The following CHN1 variants were observed in gnomAD, a reference collection of about 807,000 sequenced individuals.
The protein encoded by CHN1 is chimerin 1.
Under a neutral mutation model 59.5 loss-of-function variants are expected in CHN1, and 37 were observed. That is an observed-to-expected ratio of 0.62 (90% CI 0.48 to 0.82). The LOEUF (loss-of-function observed/expected upper bound fraction) is 0.82, where lower values mean the gene tolerates loss of function less well. Among genes scored for constraint, CHN1 ranks in the 40% least tolerant of loss-of-function variants. The pLI is 0.00. For missense variants in CHN1, 469 were observed against 571.0 expected, an observed-to-expected ratio of 0.82 and a Z score of 1.82; for synonymous variants, 206 against 200.4, an observed-to-expected ratio of 1.03 and a Z score of -0.24.
At chr2:174,858,607 A>G (rs560695787) in intron 6 of CHN1, among the ~76,000 whole-genome samples, 2 of 152,254 alleles carry the variant, frequency 1.3e-5, no homozygotes, top group Non-Finnish European at 2.9e-5. Context: ...GCTTTTGGGC[A>G]TTTTCTAAAA....
intron 5 of CHN1, among the ~76,000 whole-genome samples, chr2:174,909,491 G>T (rs1157363527): frequency 6.6e-6 from 1 of 152,140 alleles, no homozygotes; most frequent in Non-Finnish European, 1.5e-5. Flanking sequence ...CAACCTGAAG[G>T]AAAGGATGCA....
At chr2:174,928,546 T>C (rs377737154) in intron 3 of CHN1, among the ~76,000 whole-genome samples, 1 of 152,348 alleles carries the variant, frequency 6.6e-6, no homozygotes, top group East Asian at 1.9e-4. Flanking sequence ...ATTTATAGAT[T>C]AGAAATTTTG....
intron 1 of CHN1, among the ~76,000 whole-genome samples, chr2:174,972,039 TA>T: frequency 6.6e-6 from 1 of 152,268 alleles, no homozygotes; most frequent in Admixed American, 6.5e-5. Context: ...ATCACTAGGC[TA>T]AACAATGAAC....
intron 5 of CHN1, among the ~76,000 whole-genome samples, chr2:174,912,771 C>A (rs1317477608): frequency 1.3e-5 from 2 of 152,126 alleles, no homozygotes; most frequent in Non-Finnish European, 2.9e-5. Context: ...AAATGTCAAT[C>A]ATATTTGGGC....
At chr2:175,003,562 A>C (rs1691957466) in intron 1 of CHN1, among the ~76,000 whole-genome samples, 1 of 152,246 alleles carries the variant, frequency 6.6e-6, no homozygotes, top group South Asian at 2.1e-4. Flanking sequence ...AAATGTTTGT[A>C]CCAAAAAGGT....
chr2:174,945,592 C>T (rs1427024384), intron 2 of CHN1, among the ~76,000 whole-genome samples: 1 of 152,100 alleles, frequency 6.6e-6, no homozygotes, highest in Non-Finnish European at 1.5e-5. Context: ...TCTAGCCTCA[C>T]TTCAGGCTTT....
At chr2:174,977,412 T>C (rs1422425364) in intron 1 of CHN1, among the ~76,000 whole-genome samples, 3 of 152,240 alleles carry the variant, frequency 2.0e-5, no homozygotes, top group African/African-American at 7.2e-5. Flanking sequence ...AATTGCTGTT[T>C]GCCAATATGG....
chr2:174,974,898 TACACAC>T (rs373940330), intron 1 of CHN1, among the ~76,000 whole-genome samples: 126 of 144,368 alleles, frequency 8.7e-4, no homozygotes, highest in Middle Eastern at 3.4e-3. Flanking sequence ...AAATAATTAA[TACACAC>T]ACACACACAC....
chr2:174,945,036 C>T, intron 2 of CHN1, 93 bp from the exon 3 acceptor site: 2 of 872,874 alleles, frequency 2.3e-6, no homozygotes, highest in South Asian at 3.3e-5. Flanking sequence ...TTTATGTTCA[C>T]AAGAAAACTG....
At chr2:174,954,581 T>A (rs1266888103) in intron 1 of CHN1, among the ~76,000 whole-genome samples, 2 of 152,090 alleles carry the variant, frequency 1.3e-5, no homozygotes, top group Non-Finnish European at 2.9e-5. Context: ...TACAAGGAAC[T>A]CAAACAAATC....
intron 1 of CHN1, among the ~76,000 whole-genome samples, chr2:174,967,295 G>T (rs1690621580): frequency 6.6e-6 from 1 of 152,158 alleles, no homozygotes; most frequent in Non-Finnish European, 1.5e-5. Flanking sequence ...GGTCGAGACT[G>T]CAGGGAGCCC....
intron 1 of CHN1, among the ~76,000 whole-genome samples, chr2:174,964,296 T>C (rs1417316283): frequency 6.6e-6 from 1 of 152,182 alleles, no homozygotes; most frequent in East Asian, 1.9e-4. Context: ...GTTACCTTAT[T>C]ACATGTAATG....
At chr2:174,909,862 T>C (rs754207370) in intron 5 of CHN1, among the ~76,000 whole-genome samples, 1 of 152,192 alleles carries the variant, frequency 6.6e-6, no homozygotes, top group Non-Finnish European at 1.5e-5. Flanking sequence ...ATGCTGCTAA[T>C]AACAGAATTT....
At chr2:174,874,801 C>G (rs894290285) in intron 6 of CHN1, among the ~76,000 whole-genome samples, 1 of 151,398 alleles carries the variant, frequency 6.6e-6, no homozygotes, top group South Asian at 2.1e-4. Context: ...GAGTCATAAT[C>G]ATATTAAGTC....
chr2:174,809,020 A>G lies in CHN1; in HGVS notation c.987T>C (p.Ser329=), dbSNP rs749202508. The G allele has an allele frequency of 6.2e-7, 1 of 1,609,670 alleles. No individual in the cohort carries two copies. Among genetic ancestry groups the G allele is most frequent in the Non-Finnish European group, 8.5e-7 (1 of 1,178,074 alleles). The change falls in exon 11 of 13, where the codon TCT becomes TCC. Residue 329 remains serine (S), a synonymous_variant. Coordinates refer to ENST00000409900, the MANE Select transcript of CHN1 (RefSeq NM_001822.7). ...TGTTGATATCTTCATACATGTTCAC[A>G]GAAATATCTGCCTTCTCACCATCTT... ...FDRDGEKADI[S]VNMYEDINII... is the part of the protein sequence containing the mutation.
At chr2:174,824,018 C>G (rs1367024492) in intron 8 of CHN1, among the ~76,000 whole-genome samples, 1 of 152,206 alleles carries the variant, frequency 6.6e-6, no homozygotes, top group East Asian at 1.9e-4. Flanking sequence ...AAGGACAATC[C>G]AGCTTAACAA....
In CHN1 at chr2:175,002,241, G is replaced by A. The variant is rs3771924; in HGVS notation, c.19+2653C>T. Among the ~76,000 whole-genome samples, 88 of 152,226 alleles carry A rather than the reference G, an allele frequency of 5.8e-4. No homozygotes were observed. The East Asian group carries it at 0.01, about 18-fold the overall frequency. On this transcript the variant is annotated intron_variant, in intron 1 of 12. Transcript: ENST00000409900. ...GTTCATTTGAAAGGAGAAGAAAAAC[G>A]GGTGCAAATTCTTAAGCTTTCAAAA...
intron 8 of CHN1, among the ~76,000 whole-genome samples, chr2:174,813,234 C>T (rs1558934185): frequency 6.6e-6 from 1 of 152,184 alleles, no homozygotes; most frequent in Non-Finnish European, 1.5e-5. Context: ...TGGAACAGAA[C>T]TCAAGCCTAT....
At chr2:174,980,233 A>G (rs1691098426) in intron 1 of CHN1, among the ~76,000 whole-genome samples, 1 of 152,194 alleles carries the variant, frequency 6.6e-6, no homozygotes, top group South Asian at 2.1e-4. Flanking sequence ...AGCAAGACTT[A>G]CGTAAAAAAA....
Sources: allele counts gnomAD v4.1 joint callset (sites outside exome capture counted in the v4.1 genomes callset), GRCh38; gene constraint gnomAD v4.1.1; transcripts MANE v1.5; gene names NCBI Gene and HGNC (gene_info 2026-07-23, HGNC 2026-07-21).